SH3BGR: variants seen among roughly 807,000 people sequenced by gnomAD.
SH3BGR encodes SH3 domain binding glutamate rich protein, also known as SH3 domain-binding glutamic acid-rich protein.
SH3BGR carries 29 observed loss-of-function variants against 24.5 expected under a neutral mutation model. That is an observed-to-expected ratio of 1.18 (90% CI 0.88 to 1.61). The LOEUF (loss-of-function observed/expected upper bound fraction) is 1.61. SH3BGR is among the 40% of genes most tolerant of loss of function. The pLI is 0.00. For synonymous variants in SH3BGR, 55 were observed against 65.7 expected (o/e 0.84, Z 0.79); for missense variants, 162 against 205.8 (o/e 0.79, Z 1.30).
At chr21:39,455,603 A>G (rs1354022099) in intron 1 of SH3BGR, among the ~76,000 whole-genome samples, 8 of 152,220 alleles carry the variant, frequency 5.3e-5, no homozygotes, top group Non-Finnish European at 5.9e-5. Flanking sequence ...CTCCTTGATC[A>G]GGGACCCTGC....
intron 3 of SH3BGR, 101 bp from the exon 4 acceptor site, chr21:39,499,722 A>G (rs2078460976): frequency 1.3e-6 from 1 of 776,564 alleles, no homozygotes; most frequent in East Asian, 2.7e-5. Context: ...CTTCATTTAT[A>G]TACTGTGTGT....
At position 39,515,190 on chromosome 21, in the gene SH3BGR, A is replaced by G; in HGVS notation, c.*137A>G. On this transcript the variant is annotated 3_prime_UTR_variant, in exon 7 of 7. Coordinates refer to ENST00000333634, the MANE Select transcript of SH3BGR (RefSeq NM_007341.3). ...GCACACCCAGGGTTACTGAGGACTT[A>G]TGCTGCCTGACCTGGTTAGATGTAC... The G allele has an allele frequency of 2.1e-6, 1 of 466,654 alleles. No individual in the cohort carries two copies. The allele number at this position is 466,654 out of a possible 1,614,324, so 28.9% of individuals were successfully genotyped here.
At chr21:39,488,567 G>C (rs2078247283) in intron 3 of SH3BGR, 1 of 299,160 alleles carries the variant, frequency 3.3e-6, no homozygotes, top group Non-Finnish European at 6.1e-6. Flanking sequence ...CCAGGAACAA[G>C]GACTAGGGTG....
intron 1 of SH3BGR, among the ~76,000 whole-genome samples, chr21:39,454,766 T>C (rs1485268828): frequency 1.3e-5 from 2 of 152,224 alleles, no homozygotes; most frequent in Admixed American, 6.5e-5. Context: ...AATTCATTCA[T>C]TTATTGGAGC....
intron 2 of SH3BGR, among the ~76,000 whole-genome samples, chr21:39,464,518 C>T (rs761161403): frequency 6.6e-5 from 10 of 152,144 alleles, no homozygotes; most frequent in Admixed American, 2.0e-4. Flanking sequence ...CCACCGCGCC[C>T]GGCCCAAATA....
At chr21:39,499,749 C>T in intron 3 of SH3BGR, 74 bp from the exon 4 acceptor site, 2 of 1,079,006 alleles carry the variant, frequency 1.9e-6, no homozygotes, top group Non-Finnish European at 2.8e-6. Context: ...AAGAAAGCCA[C>T]AGCATATGTG....
At chr21:39,466,487 G>A (rs748752878) in intron 2 of SH3BGR, among the ~76,000 whole-genome samples, 4 of 152,070 alleles carry the variant, frequency 2.6e-5, no homozygotes, top group Non-Finnish European at 4.4e-5. Flanking sequence ...TCATTCTCAC[G>A]CTGCTAATAA....
At chr21:39,460,908 C>T (rs1351079683) in intron 1 of SH3BGR, among the ~76,000 whole-genome samples, 1 of 152,126 alleles carries the variant, frequency 6.6e-6, no homozygotes, top group Admixed American at 6.5e-5. Context: ...TTGTCTCAGC[C>T]TTCCAAAATG....
intron 5 of SH3BGR, among the ~76,000 whole-genome samples, chr21:39,510,852 A>G (rs1322899663): frequency 6.8e-6 from 1 of 146,626 alleles, no homozygotes; most frequent in Non-Finnish European, 1.5e-5. Context: ...TGTGCATTTA[A>G]CAGCTCATCC....
Position 39,475,220 on chromosome 21 carries a change from G to A in SH3BGR, c.312+5G>A, listed in dbSNP as rs1372707002. ...GCTCCTCCTCCAGACTCAAAGGTAAGTTTGAACAAACTCCATTGGGGTTCA... is the reference window on the plus strand; with the variant it reads ...GCTCCTCCTCCAGACTCAAAGGTAAATTTGAACAAACTCCATTGGGGTTCA... On this transcript the variant is annotated splice_donor_5th_base_variant and intron_variant, in intron 3 of 6. Transcript: ENST00000333634. 19 of 1,580,240 alleles carry A rather than the reference G, an allele frequency of 1.2e-5. No individual in the cohort carries two copies. The highest frequency in any genetic ancestry group is 2.7e-5 in the African/African-American group (2 of 74,248).
chr21:39,449,193 A>G (rs2077545839), upstream of SH3BGR, among the ~76,000 whole-genome samples: 5 of 152,316 alleles, frequency 3.3e-5, no homozygotes, highest in Middle Eastern at 3.4e-3. Context: ...ATCCTCTGCA[A>G]CCTTGCTCAG....
upstream of SH3BGR, among the ~76,000 whole-genome samples, chr21:39,450,993 A>G (rs189352864): frequency 1.6e-4 from 24 of 149,948 alleles, no homozygotes; most frequent in Admixed American, 4.0e-4. Context: ...TTTTTGTGTT[A>G]TTGTTGTTGG....
chr21:39,490,204 G>A (rs994437984), intron 3 of SH3BGR, among the ~76,000 whole-genome samples: 2 of 152,132 alleles, frequency 1.3e-5, no homozygotes, highest in Admixed American at 6.5e-5. Flanking sequence ...TAACAAGGCC[G>A]GGAGGCAGAG....
chr21:39,466,443 G>A (rs2077844012), intron 2 of SH3BGR, among the ~76,000 whole-genome samples: 1 of 152,166 alleles, frequency 6.6e-6, no homozygotes, highest in African/African-American at 2.4e-5. Context: ...CTTTGCATAT[G>A]AAAGAAAGTA....
chr21:39,474,800 T>G (rs1392233011), intron 2 of SH3BGR, among the ~76,000 whole-genome samples: 2 of 152,152 alleles, frequency 1.3e-5, no homozygotes, highest in South Asian at 4.1e-4. Flanking sequence ...AGGGCCAGAT[T>G]ATAAGTAAAC....
upstream of SH3BGR, chr21:39,445,927 G>C (rs1415511854): frequency 6.6e-6 from 1 of 152,288 alleles, no homozygotes; most frequent in Non-Finnish European, 1.5e-5. Flanking sequence ...TCGGTGACGG[G>C]AAGTGAGTTT....
chr21:39,511,778 C>T lies in SH3BGR; in HGVS notation c.*3C>T, dbSNP rs1335161175. On this transcript the variant is annotated 3_prime_UTR_variant, in exon 6 of 7. Transcript: ENST00000333634. The surrounding 1 kb of genome is among the most constrained non-coding windows in gnomAD (Gnocchi z 4.2). ...CTGGAGAAGACGAAGATTCCTAGGC[C>T]TTTTCATGCTTCATTTCTTCCACTT... 1.2e-6 allele frequency: 2 copies of T among 1,608,554 alleles called. No homozygotes were observed. The highest frequency in any genetic ancestry group is 8.5e-7 in the Non-Finnish European group (1 of 1,178,480).
chr21:39,497,114 C>T (rs2078409297), intron 3 of SH3BGR, among the ~76,000 whole-genome samples: 1 of 151,110 alleles, frequency 6.6e-6, no homozygotes, highest in Admixed American at 6.6e-5. Context: ...GGAACTAATA[C>T]ATGTATTTAT....
intron 3 of SH3BGR, among the ~76,000 whole-genome samples, chr21:39,478,162 T>C (rs1403960751): frequency 6.6e-6 from 1 of 152,226 alleles, no homozygotes; most frequent in Admixed American, 6.5e-5. Context: ...TTTTTTCAAA[T>C]ATTACATATA....
Sources: gnomAD v4.1 joint callset for allele counts (sites outside exome capture counted in the v4.1 genomes callset) on GRCh38, gnomAD v4.1.1 for gene constraint, Gnocchi (gnomAD v3.1) non-coding constraint, MANE v1.5 for transcripts, NCBI Gene and HGNC (gene_info 2026-07-23, HGNC 2026-07-21) for gene names.